The following NTNG1 variants were observed in gnomAD, a reference collection of about 807,000 sequenced individuals.
The protein encoded by NTNG1 is netrin G1.
A neutral mutation model predicts 54.0 loss-of-function variants in NTNG1; 16 were observed. The observed-to-expected ratio is 0.30, with a 90% CI of 0.20 to 0.45. NTNG1 has a LOEUF of 0.45. NTNG1 is among the 20% of genes least tolerant of loss of function. NTNG1 has a pLI of 1.00. For missense variants in NTNG1, 530 were observed against 678.7 expected, an observed-to-expected ratio of 0.78 and a Z score of 2.43; for synonymous variants, 255 against 263.1, an observed-to-expected ratio of 0.97 and a Z score of 0.30.
intron 3 of NTNG1, among the ~76,000 whole-genome samples, chr1:107,375,702 C>T (rs751545573): frequency 1.6e-4 from 24 of 152,210 alleles, no homozygotes; most frequent in Non-Finnish European, 2.9e-4. Context: ...TTTAGTGCCT[C>T]CACCTTCAGG....
At chr1:107,265,230 T>G (rs534114944) in intron 2 of NTNG1, among the ~76,000 whole-genome samples, 2 of 152,108 alleles carry the variant, frequency 1.3e-5, no homozygotes, top group East Asian at 3.9e-4. Flanking sequence ...ACCAAATCAG[T>G]AGGAGGATAA....
intron 3 of NTNG1, among the ~76,000 whole-genome samples, chr1:107,376,832 C>T (rs1002528950): frequency 2.0e-5 from 3 of 152,206 alleles, no homozygotes; most frequent in African/African-American, 7.2e-5. Flanking sequence ...AGCCCCAGCA[C>T]ATGCAAGTGT....
intron 5 of NTNG1, among the ~76,000 whole-genome samples, chr1:107,411,880 G>A (rs1673838748): frequency 6.6e-6 from 1 of 152,048 alleles, no homozygotes; most frequent in African/African-American, 2.4e-5. Flanking sequence ...GAAATCTTGT[G>A]GTTATCCTAA....
At chr1:107,265,354 C>A (rs1428603752) in intron 2 of NTNG1, among the ~76,000 whole-genome samples, 1 of 151,854 alleles carries the variant, frequency 6.6e-6, no homozygotes, top group Non-Finnish European at 1.5e-5. Context: ...TCTTTCATGA[C>A]AATTCAAATA....
chr1:107,314,951 G>T (rs1490124355), intron 2 of NTNG1, among the ~76,000 whole-genome samples: 1 of 152,166 alleles, frequency 6.6e-6, no homozygotes, highest in Non-Finnish European at 1.5e-5. Context: ...ACATTTAGAA[G>T]AGTGTTGAAC....
chr1:107,413,688 A>T (rs11804213), intron 5 of NTNG1, among the ~76,000 whole-genome samples: 20,604 of 152,158 alleles, frequency 0.14, 1,539 homozygotes, highest in Middle Eastern at 0.24. Flanking sequence ...TTATGTAAGC[A>T]TTAGTGTTGT....
At chr1:107,453,638 G>A (rs956655044) in intron 7 of NTNG1, among the ~76,000 whole-genome samples, 1 of 152,158 alleles carries the variant, frequency 6.6e-6, no homozygotes, top group East Asian at 1.9e-4. Flanking sequence ...TTTTCAAACT[G>A]CCATGACTTT....
At chr1:107,167,548 A>G (rs965925860) in intron 2 of NTNG1, among the ~76,000 whole-genome samples, 3 of 151,824 alleles carry the variant, frequency 2.0e-5, no homozygotes, top group Non-Finnish European at 2.9e-5. Context: ...GTTAATTCTA[A>G]TATGTAGGTA....
chr1:107,380,787 C>A (rs771492615), intron 3 of NTNG1, among the ~76,000 whole-genome samples: 1 of 152,214 alleles, frequency 6.6e-6, no homozygotes, highest in African/African-American at 2.4e-5. Context: ...ATACCCTGAC[C>A]ATCCCCTGCT....
chr1:107,147,356 T>C (rs1654200915), intron 1 of NTNG1, among the ~76,000 whole-genome samples: 1 of 152,138 alleles, frequency 6.6e-6, no homozygotes, highest in Non-Finnish European at 1.5e-5. Context: ...CAAATTCTCT[T>C]CTGTTACAAA....
At chr1:107,248,994 C>CAAAAAAA (rs1196454799) in intron 2 of NTNG1, among the ~76,000 whole-genome samples, 29 of 109,130 alleles carry the variant, frequency 2.7e-4, no homozygotes, top group African/African-American at 9.0e-4. Context: ...ACTAAAAGTA[C>CAAAAAAA]AAAAAAAAAA....
intron 3 of NTNG1, among the ~76,000 whole-genome samples, chr1:107,340,854 C>T (rs1186164507): frequency 1.3e-5 from 2 of 152,010 alleles, no homozygotes; most frequent in Non-Finnish European, 2.9e-5. Flanking sequence ...TCTCAGTCCC[C>T]ATCCATAAAA....
intron 2 of NTNG1, among the ~76,000 whole-genome samples, chr1:107,214,639 G>T (rs1270749726): frequency 6.6e-6 from 1 of 151,982 alleles, no homozygotes. Context: ...GGATACCCAG[G>T]ATATCTACCT....
At chr1:107,477,257 G>A (rs891446586) in intron 7 of NTNG1, among the ~76,000 whole-genome samples, 1 of 152,230 alleles carries the variant, frequency 6.6e-6, no homozygotes, top group Admixed American at 6.5e-5. Context: ...CACCAGGCTG[G>A]TGTAGGAACC....
At chr1:107,214,789 C>CG (rs574126445) in intron 2 of NTNG1, among the ~76,000 whole-genome samples, 2,526 of 14,776 alleles carry the variant, frequency 0.17, 82 homozygotes, top group African/African-American at 0.32. Flanking sequence ...TCCATGCCAT[C>CG]ATTTTTTTTT....
chr1:107,470,918 A>G (rs1280583809), intron 7 of NTNG1, among the ~76,000 whole-genome samples: 1 of 152,126 alleles, frequency 6.6e-6, no homozygotes. Context: ...GCTTTTTTTC[A>G]GGTTGCAAAG....
chr1:107,145,277 T>C (rs920131678), intron 1 of NTNG1, among the ~76,000 whole-genome samples: 1 of 152,092 alleles, frequency 6.6e-6, no homozygotes, highest in African/African-American at 2.4e-5. Context: ...GTAATTATAC[T>C]TTAATAACAA....
intron 2 of NTNG1, among the ~76,000 whole-genome samples, chr1:107,237,582 A>AG (rs1306807392): frequency 6.6e-6 from 1 of 152,052 alleles, no homozygotes; most frequent in Non-Finnish European, 1.5e-5. Flanking sequence ...AAGGCCTGGG[A>AG]GAAAAAAAGT....
intron 7 of NTNG1, among the ~76,000 whole-genome samples, chr1:107,462,228 G>A (rs1677323038): frequency 6.6e-6 from 1 of 152,160 alleles, no homozygotes; most frequent in Non-Finnish European, 1.5e-5. Context: ...AAAGAAACAA[G>A]GGCAAAAGTA....
Sources: allele counts gnomAD v4.1 joint callset (sites outside exome capture counted in the v4.1 genomes callset), GRCh38; gene constraint gnomAD v4.1.1; transcripts MANE v1.5; gene names NCBI Gene and HGNC (gene_info 2026-07-23, HGNC 2026-07-21).